ASCC3: variants seen among roughly 807,000 people sequenced by gnomAD.
The protein encoded by ASCC3 is ASC-1 complex subunit P200.
A neutral mutation model predicts 256.3 loss-of-function variants in ASCC3; 158 were observed. That is an observed-to-expected ratio of 0.62 (90% CI 0.54 to 0.70). The LOEUF (loss-of-function observed/expected upper bound fraction) is 0.70, where lower values mean the gene tolerates loss of function less well. ASCC3 is among the 30% of genes least tolerant of loss of function. ASCC3 has a pLI of 0.00. For missense variants in ASCC3, 2,259 were observed against 2,626.0 expected, an observed-to-expected ratio of 0.86 and a Z score of 3.05; for synonymous variants, 948 against 883.4, an observed-to-expected ratio of 1.07 and a Z score of -1.30.
At chr6:100,696,193 G>A (rs1157496971) in intron 13 of ASCC3, among the ~76,000 whole-genome samples, 3 of 152,012 alleles carry the variant, frequency 2.0e-5, no homozygotes, top group Non-Finnish European at 4.4e-5. Context: ...ATTAAATATA[G>A]ACACATAATT....
intron 13 of ASCC3, among the ~76,000 whole-genome samples, chr6:100,711,403 G>A (rs1330544236): frequency 6.6e-6 from 1 of 152,186 alleles, no homozygotes; most frequent in African/African-American, 2.4e-5. Flanking sequence ...ATTAAAAAGA[G>A]AAGAAATATT....
Position 100,661,876 on chromosome 6 carries a change from G to C in ASCC3, c.2633C>G (p.Thr878Ser). 6.2e-7 allele frequency: 1 copy of C among 1,613,412 alleles called. No individual in the cohort carries two copies. The highest frequency in any genetic ancestry group is 8.5e-7 in the Non-Finnish European group (1 of 1,179,482). ...TTHDKLSHYL[T>S]LLTQRNPIES... ...AATTGGGTTTCGTTGAGTGAGCAAA[G>C]TGAGGTAATGGCTGAGTTTATCATG... The change falls in exon 16 of 42, where the codon ACT (threonine) becomes AGT (serine). Residue 878 changes from threonine (T) to serine (S), a missense_variant. Thr to Ser is a moderately conservative substitution (Grantham distance 58). This residue lies in a region of ASCC3 where 1,839 missense variants were observed against 2,206.7 expected (regional missense o/e 0.83). Coordinates refer to ENST00000369162, the MANE Select transcript of ASCC3 (RefSeq NM_006828.4).
chr6:100,596,191 C>A (rs1248627009), intron 34 of ASCC3, among the ~76,000 whole-genome samples: 1 of 152,058 alleles, frequency 6.6e-6, no homozygotes, highest in African/African-American at 2.4e-5. Context: ...TTATATTACA[C>A]AATGAGAATG....
intron 15 of ASCC3, 83 bp downstream of exon 15, chr6:100,662,261 AC>A (rs1776262056): frequency 2.9e-6 from 4 of 1,391,946 alleles, no homozygotes; most frequent in Non-Finnish European, 3.9e-6. Flanking sequence ...CAGCCAAATC[AC>A]AATATTTTTC....
intron 30 of ASCC3, among the ~76,000 whole-genome samples, chr6:100,621,317 AT>A (rs1773939874): frequency 6.6e-6 from 1 of 152,196 alleles, no homozygotes; most frequent in South Asian, 2.1e-4. Context: ...TATAACAAAT[AT>A]TTATGTTAAT....
intron 13 of ASCC3, among the ~76,000 whole-genome samples, chr6:100,683,073 A>G (rs926382606): frequency 1.9e-4 from 29 of 152,174 alleles, no homozygotes; most frequent in African/African-American, 6.8e-4. Flanking sequence ...ATTAAAAGGT[A>G]AAATAAATAA....
chr6:100,854,120 A>G (rs766989466), intron 3 of ASCC3, among the ~76,000 whole-genome samples: 4 of 151,848 alleles, frequency 2.6e-5, no homozygotes, highest in Non-Finnish European at 5.9e-5. Context: ...AACAGATTAC[A>G]TAACATACTG....
At chr6:100,712,308 AAG>A (rs1778887356) in intron 13 of ASCC3, among the ~76,000 whole-genome samples, 4 of 152,194 alleles carry the variant, frequency 2.6e-5, no homozygotes, top group Admixed American at 2.6e-4. Flanking sequence ...TAAGAGAAAT[AAG>A]AGGAAAGAGA....
chr6:100,509,326 T>C lies in ASCC3; in HGVS notation c.*60A>G. On this transcript the variant is annotated 3_prime_UTR_variant, in exon 42 of 42. Coordinates refer to ENST00000369162, the MANE Select transcript of ASCC3 (RefSeq NM_006828.4). ...CAAACATCAAGTAATTCGATTTGTC[T>C]AGATGACTGAACAGAGAGAATTCTT... The C allele has an allele frequency of 1.2e-6, 2 of 1,600,866 alleles. No individual in the cohort carries two copies. The highest frequency in any genetic ancestry group is 2.7e-5 in the African/African-American group (2 of 74,764).
intron 10 of ASCC3, among the ~76,000 whole-genome samples, chr6:100,743,391 G>A (rs574678895): frequency 6.6e-5 from 10 of 152,136 alleles, no homozygotes; most frequent in Admixed American, 4.6e-4. Flanking sequence ...CTTCGATTTC[G>A]GCCATAAGCT....
chr6:100,559,117 G>A (rs546875348), intron 36 of ASCC3, among the ~76,000 whole-genome samples: 10 of 152,256 alleles, frequency 6.6e-5, no homozygotes, highest in Non-Finnish European at 1.0e-4. Context: ...CAGAACATAT[G>A]TATGTCATGT....
Position 100,874,233 on chromosome 6 carries a change from C to T in ASCC3, c.-41-6195G>A, listed in dbSNP as rs141500637. ...CTGTAATCCCAGCACTTTGGGAGGC[C>T]GAGGCAGGCGGATCACGAGGTCAAG... On this transcript the variant is annotated intron_variant, in intron 1 of 41. Coordinates refer to ENST00000369162, the MANE Select transcript of ASCC3 (RefSeq NM_006828.4). Among the ~76,000 whole-genome samples, 952 of 152,004 alleles carry T rather than the reference C, an allele frequency of 6.3e-3. 7 individuals are homozygous for T. Among genetic ancestry groups the T allele is most frequent in the Middle Eastern group, 0.017 (5 of 294 alleles).
At chr6:100,556,062 T>C (rs1254826612) in intron 36 of ASCC3, among the ~76,000 whole-genome samples, 2 of 152,188 alleles carry the variant, frequency 1.3e-5, no homozygotes, top group African/African-American at 4.8e-5. Flanking sequence ...TAAAACCATA[T>C]ATATTTATTA....
rs534518955 is a variant in ASCC3 at position 100,832,793 on chromosome 6, A to G, written c.801+15355T>C. Among the ~76,000 whole-genome samples, 31 of 152,250 alleles carry G rather than the reference A, an allele frequency of 2.0e-4. No individual in the cohort carries two copies. The South Asian group carries it at 5.6e-3, about 28-fold the overall frequency. On this transcript the variant is annotated intron_variant, in intron 4 of 41. Transcript: ENST00000369162. ...ACAGACAATATAAAAGGGTAGGGGA[A>G]GAATGATAAACCCAAAAGCTTAGAA... is the stretch of plus-strand genomic sequence containing the variant.
intron 37 of ASCC3, among the ~76,000 whole-genome samples, chr6:100,533,608 AC>A (rs1295094960): frequency 1.3e-5 from 2 of 152,200 alleles, no homozygotes; most frequent in Non-Finnish European, 2.9e-5. Context: ...ACTTGGAAAC[AC>A]ACAGCCCTCT....
chr6:100,724,687 A>G (rs2115037930), intron 11 of ASCC3, among the ~76,000 whole-genome samples: 1 of 152,002 alleles, frequency 6.6e-6, no homozygotes, highest in South Asian at 2.1e-4. Context: ...AGGAGGGAAA[A>G]GGAATGGAAA....
intron 36 of ASCC3, among the ~76,000 whole-genome samples, chr6:100,588,376 A>C (rs1447722419): frequency 6.6e-6 from 1 of 152,158 alleles, no homozygotes; most frequent in Admixed American, 6.5e-5. Flanking sequence ...AGGCATGCCC[A>C]AATTAACCAT....
chr6:100,838,813 A>G (rs1300794909), intron 4 of ASCC3, among the ~76,000 whole-genome samples: 2 of 152,100 alleles, frequency 1.3e-5, no homozygotes, highest in African/African-American at 4.8e-5. Context: ...TAATTGTCTC[A>G]GAAGACAAAT....
At chr6:100,744,983 A>G (rs902497949) in intron 10 of ASCC3, among the ~76,000 whole-genome samples, 3 of 152,124 alleles carry the variant, frequency 2.0e-5, no homozygotes, top group East Asian at 1.9e-4. Context: ...CTTAGTAACA[A>G]TTGGCTTTTT....
Sources: gnomAD v4.1 joint callset for allele counts (sites outside exome capture counted in the v4.1 genomes callset) on GRCh38, gnomAD v4.1.1 for gene constraint, gnomAD v4.1.1 regional missense constraint, MANE v1.5 for transcripts, NCBI Gene and HGNC (gene_info 2026-07-23, HGNC 2026-07-21) for gene names.